The following ADGRL1 variants were observed in gnomAD, a reference collection of about 807,000 sequenced individuals.
The protein encoded by ADGRL1 is CIRL-1.
A neutral mutation model predicts 148.9 loss-of-function variants in ADGRL1; 31 were observed. The observed-to-expected ratio is 0.21, with a 90% confidence interval of 0.16 to 0.28. The LOEUF (loss-of-function observed/expected upper bound fraction) is 0.28. Ranked by LOEUF, ADGRL1 falls within the 10% of genes least tolerant of loss-of-function variation. ADGRL1 has a pLI of 1.00. For missense variants in ADGRL1, 1,521 were observed against 2,058.8 expected, an observed-to-expected ratio of 0.74 and a Z score of 5.05; for synonymous variants, 937 against 900.3, an observed-to-expected ratio of 1.04 and a Z score of -0.73.
chr19:14,183,040 T>G (rs971246469), intron 2 of ADGRL1, among the ~76,000 whole-genome samples: 1 of 151,290 alleles, frequency 6.6e-6, no homozygotes. Flanking sequence ...TCGGTGAGGG[T>G]GGGCGGGCAG....
rs376369270 is a variant in ADGRL1, at chr19:14,173,347, C to T, written c.285-2556G>A. ...GTGTGATCATGGCTCATTGTAGTCT[C>T]GACTTCCCGAAGTGCTGGGATTACA... On this transcript the variant is annotated intron_variant, in intron 3 of 22. Coordinates refer to ENST00000361434, the MANE Select transcript of ADGRL1 (RefSeq NM_014921.5). Among the ~76,000 whole-genome samples the T allele has an allele frequency of 1.1e-4, 16 of 152,086 alleles. 1 individual carries two copies. The highest frequency in any genetic ancestry group is 7.2e-4 in the Admixed American group (11 of 15,270).
At position 14,161,625 on chromosome 19, in the gene ADGRL1, G is replaced by A; in HGVS notation, c.1197C>T (p.Gly399=). The A allele has an allele frequency of 2.8e-6, 4 of 1,411,000 alleles. No homozygotes were observed. The highest frequency in any genetic ancestry group is 1.8e-6 in the Non-Finnish European group (2 of 1,088,022). The allele number at this position is 1,411,000 out of a possible 1,614,324, so 87.4% of individuals were successfully genotyped here. Residue 399 remains glycine, a splice_region_variant and synonymous_variant, in exon 6 of 23, where the codon GGC becomes GGT. Transcript: ENST00000361434. The surrounding 1 kb of genome is among the most constrained non-coding windows in gnomAD (Gnocchi z 4.4). ...TGCTGAGGGGTGGGGAAGTGGCTGG[G>A]CCTGGAGAGGGGATACGAGACAGGG... ...LEFGPPDPSA[G]PATSPPLSTT...
Position 14,160,411 on chromosome 19 carries a change from C to A in ADGRL1, c.1615-114G>T, listed in dbSNP as rs148960166. The A allele has an allele frequency of 1.9e-6, 2 of 1,051,398 alleles. No individual in the cohort carries two copies. The highest frequency in any genetic ancestry group is 3.2e-5 in the South Asian group (2 of 62,284). 65.1% of individuals were successfully genotyped at this position (1,051,398 alleles called of 1,614,324 possible). ...CCTATCTCTCTCTCCACTTCCCCATCGCCATCTGCCCCTTCCCACCCCATC... is the reference window on the plus strand; with the variant it reads ...CCTATCTCTCTCTCCACTTCCCCATAGCCATCTGCCCCTTCCCACCCCATC... On this transcript the variant is annotated intron_variant, in intron 7 of 22. Coordinates refer to ENST00000361434, the MANE Select transcript of ADGRL1 (RefSeq NM_014921.5). The surrounding 1 kb of genome is among the most constrained non-coding windows in gnomAD (Gnocchi z 5.9).
In ADGRL1 at chr19:14,160,071, C is replaced by A. The variant is rs753713538; in HGVS notation, c.1800+41G>T. ...TACTTCCCAAGCCCCTGGGGGCAGG[C>A]GCCCTCCCCATACCAGGTCAGCGCC... On this transcript the variant is annotated intron_variant, in intron 8 of 22. Transcript: ENST00000361434. The surrounding 1 kb of genome is among the most constrained non-coding windows in gnomAD (Gnocchi z 5.9). 2.0e-6 allele frequency: 3 copies of A among 1,531,246 alleles called. No individual in the cohort carries two copies. The African/African-American group carries it at 4.1e-5, about 21-fold the overall frequency. 94.9% of individuals were successfully genotyped at this position (1,531,246 alleles called of 1,614,324 possible).
At chr19:14,178,118 G>T (rs1474165762) in intron 2 of ADGRL1, among the ~76,000 whole-genome samples, 1 of 152,114 alleles carries the variant, frequency 6.6e-6, no homozygotes, top group Non-Finnish European at 1.5e-5. Flanking sequence ...CTGAAAATGT[G>T]ACATTATTTG....
Position 14,160,115 on chromosome 19 carries a change from G to A in ADGRL1, c.1797C>T (p.Asn599=). The A allele has an allele frequency of 6.3e-7, 1 of 1,581,084 alleles. No individual in the cohort carries two copies. The highest frequency in any genetic ancestry group is 8.7e-7 in the Non-Finnish European group (1 of 1,154,762). ...IERESAGKNY[N]KMHKRERTCK... is the part of the protein sequence containing the mutation. ...CAGCGCCACCGCCAGGCCCCACCTT[G>A]TTGTAGTTCTTGCCGGCTGACTCGC... Residue 599 remains asparagine (N), a synonymous_variant, in exon 8 of 23, where the codon AAC becomes AAT. Transcript: ENST00000361434. This position sits in a 1 kb window ranked among gnomAD's most constrained non-coding sequence, Gnocchi z 5.9.
rs1412259781 is a variant in ADGRL1 at position 14,159,714 on chromosome 19, C to T, written c.1839+21G>A. 1 of 1,612,292 alleles carries T rather than the reference C, an allele frequency of 6.2e-7. No homozygotes were observed. The highest frequency in any genetic ancestry group is 1.1e-5 in the South Asian group (1 of 91,042). On this transcript the variant is annotated intron_variant, in intron 9 of 22. Coordinates refer to ENST00000361434, the MANE Select transcript of ADGRL1 (RefSeq NM_014921.5). The surrounding 1 kb of genome is among the most constrained non-coding windows in gnomAD (Gnocchi z 6.0). ...TCAGCTGGAGCCCACGGTCCTTACA[C>T]TGGGACCCCCTGGGTCTCACCTTGA...
rs375578685 is a variant in ADGRL1 at position 14,157,428 on chromosome 19, C to G, written c.2568G>C (p.Ser856=). 6.2e-7 allele frequency: 1 copy of G among 1,614,082 alleles called. No individual in the cohort carries two copies. Among genetic ancestry groups the G allele is most frequent in the Non-Finnish European group, 8.5e-7 (1 of 1,180,030 alleles). ...YQGRINELLL[S]VITWVGIVIS... is the part of the protein sequence containing the mutation. ...TCACAATGCCCACCCAGGTGATGAC[C>G]GACAGCAGCAGCTCGTTGATGCGGC... The change falls in exon 14 of 23, where the codon TCG becomes TCC. Residue 856 remains serine, a synonymous_variant. Transcript: ENST00000361434. This position sits in a 1 kb window ranked among gnomAD's most constrained non-coding sequence, Gnocchi z 7.5.
rs1009666788 is a variant in ADGRL1 at position 14,179,997 on chromosome 19, G to A, written c.71-2253C>T. ...AGGAGCTTTGGGTCACATAGTCTCA[G>A]CTGACTTCTAGAGATGCTAGAGATT... On this transcript the variant is annotated intron_variant, in intron 2 of 22. Coordinates refer to ENST00000361434, the MANE Select transcript of ADGRL1 (RefSeq NM_014921.5). 2.0e-5 allele frequency among the ~76,000 whole-genome samples: 3 copies of A among 152,146 alleles called. No individual in the cohort carries two copies. In the South Asian group the frequency reaches 6.2e-4, roughly 32 times the overall value.
intron 1 of ADGRL1, among the ~76,000 whole-genome samples, chr19:14,197,764 T>G (rs557184193): frequency 6.6e-6 from 1 of 152,294 alleles, no homozygotes; most frequent in African/African-American, 2.4e-5. Context: ...GACGGGAAAG[T>G]ACCATTGTGG....
At chr19:14,183,232 A>T (rs1482672626) in intron 2 of ADGRL1, among the ~76,000 whole-genome samples, 1 of 148,072 alleles carries the variant, frequency 6.8e-6, no homozygotes, top group Non-Finnish European at 1.5e-5. Flanking sequence ...AGAGAGACAG[A>T]GAGAGGAGCA....
At chr19:14,190,827 C>T (rs1599504066) in intron 1 of ADGRL1, among the ~76,000 whole-genome samples, 1 of 152,156 alleles carries the variant, frequency 6.6e-6, no homozygotes. Flanking sequence ...GTGGCTCACG[C>T]CTGTAATCCC....
intron 1 of ADGRL1, among the ~76,000 whole-genome samples, chr19:14,202,247 T>C (rs933252908): frequency 7.3e-5 from 11 of 151,590 alleles, no homozygotes; most frequent in African/African-American, 2.7e-4. Flanking sequence ...TTTGCTTTTT[T>C]GTTTTGGGTT....
At chr19:14,202,936 C>T (rs1972710947) in intron 1 of ADGRL1, among the ~76,000 whole-genome samples, 1 of 152,202 alleles carries the variant, frequency 6.6e-6, no homozygotes, top group Non-Finnish European at 1.5e-5. Flanking sequence ...GCCACACAGG[C>T]AGAGGACACC....
At position 14,160,521 on chromosome 19, in the gene ADGRL1, C is replaced by T. The variant is rs1273779758; in HGVS notation, c.1614+72G>A. On this transcript the variant is annotated intron_variant, in intron 7 of 22. Transcript: ENST00000361434. This position sits in a 1 kb window ranked among gnomAD's most constrained non-coding sequence, Gnocchi z 5.9. ...CCAGCCCATGTCTCCCCAGCTGCTC[C>T]ACGACCCCCGCTGGGCCCTGGGCCC... The T allele has an allele frequency of 1.6e-5, 19 of 1,186,834 alleles. No homozygotes were observed. The highest frequency in any genetic ancestry group is 4.6e-5 in the South Asian group (3 of 64,912). 73.5% of individuals were successfully genotyped at this position (1,186,834 alleles called of 1,614,324 possible). A position where few individuals can be genotyped will look rare whatever the true frequency, so the allele number is the denominator to read the frequency against.
At position 14,159,271 on chromosome 19, in the gene ADGRL1, G is replaced by A. The variant is rs1969093223; in HGVS notation, c.2024-56C>T. The A allele has an allele frequency of 6.3e-7, 1 of 1,596,242 alleles. No homozygotes were observed. ...CAGTTGGGGTCTGTTCCCAGTCCAG[G>A]GGCTCAGGCTGCAGAACGAGACTCT... On this transcript the variant is annotated intron_variant, in intron 10 of 22. Coordinates refer to ENST00000361434, the MANE Select transcript of ADGRL1 (RefSeq NM_014921.5). This position sits in a 1 kb window ranked among gnomAD's most constrained non-coding sequence, Gnocchi z 6.0.
chr19:14,151,350 G>GC lies in ADGRL1; in HGVS notation c.3932dup (p.Gly1312ArgfsTer13), dbSNP rs1555779608. On this transcript the variant is annotated frameshift_variant, in exon 23 of 23. Transcript: ENST00000361434. LOFTEE classifies it high-confidence loss of function. ...GCCCGCCCGCCTCTTCCTCGCCCCC[G>GC]CCCCCTGGCACAGGTGGCACAGGGG... The GC allele has an allele frequency of 1.3e-6, 2 of 1,597,912 alleles. No individual in the cohort carries two copies. The highest frequency in any genetic ancestry group is 1.7e-5 in the Admixed American group (1 of 57,278).
intron 1 of ADGRL1, among the ~76,000 whole-genome samples, chr19:14,192,236 TTTTA>T (rs149151796): frequency 0.76 from 114,078 of 150,728 alleles, 43,994 homozygotes; most frequent in African/African-American, 0.92. Flanking sequence ...CTTTATTTTA[TTTTA>T]TTTATTTATT....
At position 14,160,784 on chromosome 19, in the gene ADGRL1, G is replaced by C. The variant is rs1377015521; in HGVS notation, c.1511-88C>G. ...AGAGAGGGGGAAAGGAGATGACAGAGAGTGGGGGACGAGCGGGCGAAGAGG... is the reference window on the plus strand; with the variant it reads ...AGAGAGGGGGAAAGGAGATGACAGACAGTGGGGGACGAGCGGGCGAAGAGG... On this transcript the variant is annotated intron_variant, in intron 6 of 22. Transcript: ENST00000361434. The surrounding 1 kb of genome is among the most constrained non-coding windows in gnomAD (Gnocchi z 5.9). 6.4e-6 allele frequency: 5 copies of C among 782,908 alleles called. No homozygotes were observed. Among genetic ancestry groups the C allele is most frequent in the Admixed American group, 4.0e-5 (2 of 50,448 alleles). 48.5% of individuals were successfully genotyped at this position (782,908 alleles called of 1,614,324 possible). A position where few individuals can be genotyped will look rare whatever the true frequency, so the allele number is the denominator to read the frequency against.
Sources: gnomAD v4.1 joint callset for allele counts (sites outside exome capture counted in the v4.1 genomes callset) on GRCh38, gnomAD v4.1.1 for gene constraint, Gnocchi (gnomAD v3.1) non-coding constraint, MANE v1.5 for transcripts, NCBI Gene and HGNC (gene_info 2026-07-23, HGNC 2026-07-21) for gene names.